Variants in PNLIPRP3 observed in about 807,000 individuals in gnomAD.
PNLIPRP3 encodes the protein pancreatic lipase related protein 3, also known as pancreatic lipase-related protein 3.
A neutral mutation model predicts 52.8 loss-of-function variants in PNLIPRP3; 58 were observed. The ratio of observed to expected loss-of-function variants is 1.10; its 90% CI spans 0.89 to 1.37. The LOEUF (loss-of-function observed/expected upper bound fraction) is 1.37. PNLIPRP3 is among the 40% of genes most tolerant of loss of function. The pLI, the probability that PNLIPRP3 is intolerant of heterozygous loss-of-function variation, is 0.00. For missense variants in PNLIPRP3, 593 were observed against 561.6 expected, an observed-to-expected ratio of 1.06 and a Z score of -0.57; for synonymous variants, 192 against 185.0, an observed-to-expected ratio of 1.04 and a Z score of -0.31.
At chr10:116,475,820 T>C (rs1451100620) in intron 10 of PNLIPRP3, among the ~76,000 whole-genome samples, 1 of 152,158 alleles carries the variant, frequency 6.6e-6, no homozygotes, top group Non-Finnish European at 1.5e-5. Context: ...TGATACAGTA[T>C]GGAGCAACAT....
chr10:116,448,792 G>A (rs1266158748), intron 4 of PNLIPRP3, among the ~76,000 whole-genome samples: 1 of 152,100 alleles, frequency 6.6e-6, no homozygotes, highest in Non-Finnish European at 1.5e-5. Flanking sequence ...GAGGCAGGCG[G>A]ATCACTTGAG....
chr10:116,443,193 C>T lies in PNLIPRP3; in HGVS notation c.324+19C>T, dbSNP rs754313873. ...GTGCAATGTATGACATGAATAAGCT[C>T]CTTTTTACACTAGCATGCGAGCTTT... On this transcript the variant is annotated intron_variant, in intron 3 of 11. Coordinates refer to ENST00000369230, the MANE Select transcript of PNLIPRP3 (RefSeq NM_001011709.3). 7 of 1,599,130 alleles carry T rather than the reference C, an allele frequency of 4.4e-6. No homozygotes were observed. Among genetic ancestry groups the T allele is most frequent in the Middle Eastern group, 1.7e-4 (1 of 6,008 alleles).
chr10:116,461,021 C>T lies in PNLIPRP3; in HGVS notation c.621C>T (p.Asp207=), dbSNP rs929675282. ...FHNTPKEVRL[D]PSDANFVDVI... ...ACACTCCAAAGGAAGTCAGGCTAGA[C>T]CCCTCGGATGCCAACTTTGTTGACG... Residue 207 remains aspartate, a synonymous_variant, in exon 6 of 12, where the codon GAC becomes GAT. Coordinates refer to ENST00000369230, the MANE Select transcript of PNLIPRP3 (RefSeq NM_001011709.3). 1.2e-6 allele frequency: 2 copies of T among 1,614,052 alleles called. No individual in the cohort carries two copies. The highest frequency in any genetic ancestry group is 2.7e-5 in the African/African-American group (2 of 74,932).
At chr10:116,467,263 G>T (rs1846295086) in intron 8 of PNLIPRP3, among the ~76,000 whole-genome samples, 1 of 152,134 alleles carries the variant, frequency 6.6e-6, no homozygotes, top group African/African-American at 2.4e-5. Flanking sequence ...GCTGTGGCAT[G>T]CACCTGTAGT....
At chr10:116,451,294 T>C (rs150773177) in intron 4 of PNLIPRP3, among the ~76,000 whole-genome samples, 4 of 152,258 alleles carry the variant, frequency 2.6e-5, no homozygotes, top group Admixed American at 6.5e-5. Context: ...AAATAGATTA[T>C]AGACAAACAT....
At chr10:116,474,886 A>G (rs183059820) in intron 10 of PNLIPRP3, among the ~76,000 whole-genome samples, 22 of 152,118 alleles carry the variant, frequency 1.4e-4, no homozygotes, top group African/African-American at 5.3e-4. Context: ...GAAGGCCTCA[A>G]AGACCTAAAG....
At chr10:116,469,849 G>A (rs1448869072) in intron 9 of PNLIPRP3, among the ~76,000 whole-genome samples, 1 of 152,030 alleles carries the variant, frequency 6.6e-6, no homozygotes, top group African/African-American at 2.4e-5. Flanking sequence ...AGCCATTGAA[G>A]GGTATTAAGA....
intron 4 of PNLIPRP3, among the ~76,000 whole-genome samples, chr10:116,454,825 G>A (rs780797066): frequency 1.3e-5 from 2 of 152,166 alleles, no homozygotes; most frequent in Non-Finnish European, 2.9e-5. Flanking sequence ...CGGCTATTGA[G>A]AATAATGCTG....
At chr10:116,470,798 G>A (rs901631520) in intron 9 of PNLIPRP3, among the ~76,000 whole-genome samples, 3 of 152,188 alleles carry the variant, frequency 2.0e-5, no homozygotes, top group African/African-American at 7.2e-5. Context: ...GTGAGGCCCC[G>A]AGCCCGGCCC....
intron 4 of PNLIPRP3, among the ~76,000 whole-genome samples, chr10:116,451,203 G>A (rs148118142): frequency 1.3e-5 from 2 of 152,144 alleles, no homozygotes; most frequent in African/African-American, 2.4e-5. Flanking sequence ...ACTGGCATTG[G>A]GAAAGCTGGA....
intron 4 of PNLIPRP3, among the ~76,000 whole-genome samples, chr10:116,453,117 A>G (rs1460198907): frequency 2.0e-5 from 3 of 152,224 alleles, no homozygotes; most frequent in Non-Finnish European, 4.4e-5. Context: ...CCCACTCCTC[A>G]CACCAGAATA....
At chr10:116,469,099 A>G in intron 8 of PNLIPRP3, 86 bp from the exon 9 acceptor site, 1 of 1,252,038 alleles carries the variant, frequency 8.0e-7, no homozygotes, top group Non-Finnish European at 1.1e-6. Context: ...CTGGAGATTT[A>G]TTATTATTTA....
In PNLIPRP3 at chr10:116,428,023, T is replaced by A; in HGVS notation, c.11T>A (p.Ile4Asn). 6.2e-7 allele frequency: 1 copy of A among 1,609,296 alleles called. No homozygotes were observed. Among genetic ancestry groups the A allele is most frequent in the South Asian group, 1.1e-5 (1 of 90,468 alleles). Reference sequence around the variant, plus strand: ...AAAAAATCAGCTTAGATGCTTGGAATTTGGATTGTTGCATTCTTGTTCTTT... The same window carrying A: ...AAAAAATCAGCTTAGATGCTTGGAAATTGGATTGTTGCATTCTTGTTCTTT... MLG[I>N]WIVAFLFFGT... The change falls in exon 1 of 12, where the codon ATT becomes AAT. Residue 4 changes from isoleucine to asparagine, a missense_variant. Physicochemically the swap from Ile to Asn is moderately radical, Grantham distance 149. Transcript: ENST00000369230.
chr10:116,431,266 G>A (rs1341793224), intron 1 of PNLIPRP3, among the ~76,000 whole-genome samples: 1 of 152,052 alleles, frequency 6.6e-6, no homozygotes, highest in East Asian at 1.9e-4. Flanking sequence ...GCTAACCCAA[G>A]TCAGTCCATG....
At chr10:116,467,510 G>T (rs986499469) in intron 8 of PNLIPRP3, among the ~76,000 whole-genome samples, 9 of 152,120 alleles carry the variant, frequency 5.9e-5, no homozygotes, top group African/African-American at 2.2e-4. Flanking sequence ...CTCAAGCACT[G>T]CTACCCATGT....
At position 116,471,833 on chromosome 10, in the gene PNLIPRP3, C is replaced by G; in HGVS notation, c.1126C>G (p.Arg376Gly). The G allele has an allele frequency of 6.2e-7, 1 of 1,611,508 alleles. No individual in the cohort carries two copies. The highest frequency in any genetic ancestry group is 8.5e-7 in the Non-Finnish European group (1 of 1,178,292). ...SEVTQGTVFLRVGGAVRKTGE... is the reference protein window; with the variant it reads ...SEVTQGTVFLGVGGAVRKTGE... ...AGTCACTCAAGGAACTGTCTTTCTT[C>G]GTGTAGGCGGGGCAGTTAGGAAAAC... Residue 376 changes from arginine to glycine, a missense_variant, in exon 10 of 12, where the codon CGT becomes GGT. Transcript: ENST00000369230.
In PNLIPRP3 at chr10:116,461,299, T is replaced by G; in HGVS notation, c.808+9T>G. 6.2e-7 allele frequency: 1 copy of G among 1,610,124 alleles called. No individual in the cohort carries two copies. Among genetic ancestry groups the G allele is most frequent in the Non-Finnish European group, 8.5e-7 (1 of 1,176,590 alleles). On this transcript the variant is annotated intron_variant, in intron 7 of 11. Transcript: ENST00000369230. Reference sequence around the variant, plus strand: ...CAATGCTTACAAAAAAGGTAAATACTTTCTAAACTATGAATGCTACTGATG... The same window carrying G: ...CAATGCTTACAAAAAAGGTAAATACGTTCTAAACTATGAATGCTACTGATG...
chr10:116,445,831 AG>A (rs1845940282), intron 4 of PNLIPRP3, among the ~76,000 whole-genome samples: 1 of 152,202 alleles, frequency 6.6e-6, no homozygotes, highest in South Asian at 2.1e-4. Context: ...GAGCAGCTAA[AG>A]GAACAGCTGA....
rs1178832730 is a variant in PNLIPRP3, at chr10:116,461,001, C to G, written c.601C>G (p.Pro201Ala). The change falls in exon 6 of 12, where the codon CCA becomes GCA. Residue 201 changes from proline to alanine, a missense_variant. By Grantham distance (27) the Pro-to-Ala change is conservative. Coordinates refer to ENST00000369230, the MANE Select transcript of PNLIPRP3 (RefSeq NM_001011709.3). ...AGCTGGGCCATTTTTCCACAACACT[C>G]CAAAGGAAGTCAGGCTAGACCCCTC... ...DPAGPFFHNTPKEVRLDPSDA... is the reference protein window; with the variant it reads ...DPAGPFFHNTAKEVRLDPSDA... 6.2e-7 allele frequency: 1 copy of G among 1,612,940 alleles called. No homozygotes were observed. Among genetic ancestry groups the G allele is most frequent in the Admixed American group, 1.7e-5 (1 of 60,008 alleles).
Sources: allele counts gnomAD v4.1 joint callset (sites outside exome capture counted in the v4.1 genomes callset), GRCh38; gene constraint gnomAD v4.1.1; transcripts MANE v1.5; gene names NCBI Gene and HGNC (gene_info 2026-07-23, HGNC 2026-07-21).